Variants in CRISPLD2 observed in about 807,000 individuals in gnomAD.
CRISPLD2 encodes cysteine rich secretory protein LCCL domain containing 2, also known as cysteine-rich secretory protein LCCL domain-containing 2.
CRISPLD2 carries 47 observed loss-of-function variants against 71.1 expected under a neutral mutation model. That is an observed-to-expected ratio of 0.66 (90% CI 0.52 to 0.84). The LOEUF (loss-of-function observed/expected upper bound fraction) is 0.84. Ranked by LOEUF, CRISPLD2 falls within the 40% of genes least tolerant of loss-of-function variation. The pLI, the probability that CRISPLD2 is intolerant of heterozygous loss-of-function variation, is 0.00. For synonymous variants in CRISPLD2, 317 were observed against 250.1 expected (o/e 1.27, Z -2.52); for missense variants, 830 against 651.1 (o/e 1.27, Z -2.99).
intron 12 of CRISPLD2, among the ~76,000 whole-genome samples, chr16:84,878,180 C>T (rs921060577): frequency 6.6e-6 from 1 of 152,076 alleles, no homozygotes; most frequent in African/African-American, 2.4e-5. Flanking sequence ...GCCGAGATCG[C>T]ACCACTGCAC....
chr16:84,833,185 C>A (rs1267180246), intron 1 of CRISPLD2, among the ~76,000 whole-genome samples: 1 of 152,226 alleles, frequency 6.6e-6, no homozygotes, highest in Non-Finnish European at 1.5e-5. Context: ...AAGCTCTGGG[C>A]AGCGCGGGAG....
chr16:84,849,325 T>A, intron 3 of CRISPLD2, 60 bp from the exon 4 acceptor site: 1 of 1,512,636 alleles, frequency 6.6e-7, no homozygotes. Context: ...TGGCTGCTGC[T>A]GTCTCCACTG....
intron 13 of CRISPLD2, among the ~76,000 whole-genome samples, chr16:84,884,034 A>T (rs2071590758): frequency 6.6e-6 from 1 of 151,918 alleles, no homozygotes; most frequent in Admixed American, 6.6e-5. Flanking sequence ...TAGTAGAGAC[A>T]GGGTTTCTCC....
chr16:84,844,657 C>G (rs546146897), intron 2 of CRISPLD2, among the ~76,000 whole-genome samples: 4 of 152,072 alleles, frequency 2.6e-5, no homozygotes, highest in Non-Finnish European at 5.9e-5. Context: ...GCCACTGCTC[C>G]GGGCCCATCT....
intron 2 of CRISPLD2, among the ~76,000 whole-genome samples, chr16:84,840,805 G>T (rs1916749952): frequency 6.6e-6 from 1 of 152,152 alleles, no homozygotes; most frequent in Non-Finnish European, 1.5e-5. Flanking sequence ...GCCTCCGACA[G>T]TGCTGGGATT....
intron 2 of CRISPLD2, among the ~76,000 whole-genome samples, chr16:84,845,269 T>C (rs899218057): frequency 2.0e-5 from 3 of 152,104 alleles, no homozygotes; most frequent in Admixed American, 6.6e-5. Flanking sequence ...AATGAAAAGG[T>C]TGGGGTAAAG....
At chr16:84,841,384 C>T (rs967906706) in intron 2 of CRISPLD2, among the ~76,000 whole-genome samples, 5 of 152,156 alleles carry the variant, frequency 3.3e-5, no homozygotes, top group Non-Finnish European at 7.4e-5. Context: ...TCTCAAAAAG[C>T]CAGCAGGGCC....
chr16:84,829,653 G>A (rs1273434239), intron 1 of CRISPLD2, among the ~76,000 whole-genome samples: 4 of 152,236 alleles, frequency 2.6e-5, no homozygotes, highest in Admixed American at 6.5e-5. Context: ...CTGCCCTGAT[G>A]TTTAAGAGAG....
chr16:84,836,806 TG>T (rs1916632520), intron 1 of CRISPLD2, among the ~76,000 whole-genome samples: 1 of 152,066 alleles, frequency 6.6e-6, no homozygotes, highest in South Asian at 2.1e-4. Flanking sequence ...GTTGGTGCTA[TG>T]GGGGTGAAGA....
chr16:84,858,008 G>T (rs972206993), intron 6 of CRISPLD2, among the ~76,000 whole-genome samples: 15 of 152,136 alleles, frequency 9.9e-5, no homozygotes, highest in African/African-American at 3.4e-4. Context: ...ATAGTCAAAC[G>T]TTCAGTTTCC....
In CRISPLD2 at chr16:84,845,861, C is replaced by A; in HGVS notation, c.316C>A (p.Leu106Met). 6.2e-7 allele frequency: 1 copy of A among 1,613,992 alleles called. No individual in the cohort carries two copies. The highest frequency in any genetic ancestry group is 1.1e-5 in the South Asian group (1 of 91,070). The change falls in exon 3 of 15, where the codon CTG (leucine) becomes ATG (methionine). Residue 106 changes from leucine (L) to methionine (M), a missense_variant. Leu to Met is a conservative substitution (Grantham distance 15). Coordinates refer to ENST00000262424, the MANE Select transcript of CRISPLD2 (RefSeq NM_031476.4). ...QCIWEHGPTS[L>M]LVSIGQNLGA... ...CATCTGGGAGCACGGGCCCACCAGT[C>A]TGCTGGTGTCCATCGGGCAGAACCT...
At chr16:84,855,427 G>C (rs1233302318) in intron 6 of CRISPLD2, among the ~76,000 whole-genome samples, 2 of 152,220 alleles carry the variant, frequency 1.3e-5, no homozygotes, top group Non-Finnish European at 2.9e-5. Context: ...TTGAGGGCAG[G>C]AAGCATCCAG....
intron 1 of CRISPLD2, among the ~76,000 whole-genome samples, chr16:84,825,920 G>A (rs1916340468): frequency 6.6e-6 from 1 of 151,944 alleles, no homozygotes; most frequent in Admixed American, 6.6e-5. Flanking sequence ...TCACGCCACG[G>A]CACTCCAACC....
intron 7 of CRISPLD2, among the ~76,000 whole-genome samples, chr16:84,867,272 C>T (rs1051280778): frequency 1.3e-5 from 2 of 152,226 alleles, no homozygotes; most frequent in African/African-American, 2.4e-5. Context: ...GCATTTTCCC[C>T]ACACCCAGGC....
chr16:84,821,963 G>C lies in CRISPLD2; in HGVS notation c.-75+1830G>C, dbSNP rs79383451. On this transcript the variant is annotated intron_variant, in intron 1 of 14. Coordinates refer to ENST00000262424, the MANE Select transcript of CRISPLD2 (RefSeq NM_031476.4). ...ACAGCCAGGGCGGGGTAGAGCTGCC[G>C]TCCAGGCTGGGCCCTGCCCCAGATT... Among the ~76,000 whole-genome samples, 283 of 152,362 alleles carry C rather than the reference G, an allele frequency of 1.9e-3. 1 individual carries two copies. Among genetic ancestry groups the C allele is most frequent in the African/African-American group, 6.0e-3 (251 of 41,584 alleles).
At chr16:84,897,133 T>A (rs2071713134) in intron 14 of CRISPLD2, among the ~76,000 whole-genome samples, 1 of 152,160 alleles carries the variant, frequency 6.6e-6, no homozygotes, top group Non-Finnish European at 1.5e-5. Context: ...TTCCTGCCCC[T>A]TTACTCTGGC....
intron 3 of CRISPLD2, among the ~76,000 whole-genome samples, chr16:84,846,302 G>C (rs1916913092): frequency 6.7e-6 from 1 of 148,834 alleles, no homozygotes; most frequent in Non-Finnish European, 1.5e-5. Flanking sequence ...ATCCAGGATG[G>C]AGTGCAGTGG....
At position 84,867,597 on chromosome 16, in the gene CRISPLD2, G is replaced by A. The variant is rs373543274; in HGVS notation, c.853+557G>A. Among the ~76,000 whole-genome samples the A allele has an allele frequency of 1.2e-4, 18 of 152,228 alleles. No homozygotes were observed. In the South Asian group the frequency reaches 3.1e-3, roughly 26 times the overall value. On this transcript the variant is annotated intron_variant, in intron 7 of 14. Transcript: ENST00000262424. ...CAACTCTTTTTTGAGATGGAGTTTCGCTCTTGTCACCCAGGTTGGAGTCCA... is the reference window on the plus strand; with the variant it reads ...CAACTCTTTTTTGAGATGGAGTTTCACTCTTGTCACCCAGGTTGGAGTCCA...
intron 5 of CRISPLD2, among the ~76,000 whole-genome samples, chr16:84,853,412 G>A (rs548728483): frequency 8.5e-5 from 13 of 152,186 alleles, no homozygotes; most frequent in South Asian, 2.1e-4. Context: ...GCACGGACGC[G>A]ATCATTCTGC....
Sources: gnomAD v4.1 joint callset for allele counts (sites outside exome capture counted in the v4.1 genomes callset) on GRCh38, gnomAD v4.1.1 for gene constraint, MANE v1.5 for transcripts, NCBI Gene and HGNC (gene_info 2026-07-23, HGNC 2026-07-21) for gene names.